CCDC13: variants seen among roughly 807,000 people sequenced by gnomAD.
CCDC13 encodes the protein coiled-coil domain-containing protein 13.
A neutral mutation model predicts 87.3 loss-of-function variants in CCDC13; 70 were observed. The observed-to-expected ratio is 0.80, with a 90% CI of 0.66 to 0.98. The LOEUF (loss-of-function observed/expected upper bound fraction) is 0.98. Ranked by LOEUF, CCDC13 falls within the 50% of genes least tolerant of loss-of-function variation. The probability of loss-of-function intolerance (pLI) is 0.00; values close to 1 mark genes in which losing one functional copy is unlikely to be tolerated. For synonymous variants in CCDC13, 317 were observed against 360.3 expected, an observed-to-expected ratio of 0.88 and a Z score of 1.36; for missense variants, 842 against 892.0, an observed-to-expected ratio of 0.94 and a Z score of 0.71.
chr3:42,745,232 A>G (rs541298121), intron 7 of CCDC13: 3 of 152,382 alleles, frequency 2.0e-5, no homozygotes, highest in Admixed American at 6.5e-5. Context: ...GGACAAAGGG[A>G]AAAGAACCAC....
intron 13 of CCDC13, among the ~76,000 whole-genome samples, chr3:42,713,527 C>T (rs770720575): frequency 1.3e-5 from 2 of 152,220 alleles, no homozygotes; most frequent in Non-Finnish European, 2.9e-5. Context: ...CCACTCCCAG[C>T]CCCATCATTC....
intron 1 of CCDC13, among the ~76,000 whole-genome samples, chr3:42,763,820 C>T (rs978687632): frequency 7.2e-5 from 11 of 152,130 alleles, no homozygotes; most frequent in African/African-American, 2.4e-4. Flanking sequence ...GAGATTTATT[C>T]TGAGCCAAAT....
At position 42,735,714 on chromosome 3, in the gene CCDC13, T is replaced by C. The variant is rs967884855; in HGVS notation, c.1364A>G (p.Asn455Ser). 6 of 1,613,962 alleles carry C rather than the reference T, an allele frequency of 3.7e-6. No homozygotes were observed. Among genetic ancestry groups the C allele is most frequent in the African/African-American group, 2.7e-5 (2 of 74,934 alleles). The stretch of plus-strand genomic sequence containing the variant: ...TGCCAGTGCCCTACTCACGTGCACA[T>C]TGAGTTGTCCGATCTCCATCTCCAG... ...RQLEMEIGQL[N>S]VHYLRNKGVG... Residue 455 changes from asparagine (N) to serine (S), a missense_variant, in exon 10 of 16, where the codon AAT becomes AGT. Asn to Ser is a conservative substitution (Grantham distance 46). Coordinates refer to ENST00000310232, the MANE Select transcript of CCDC13 (RefSeq NM_144719.4).
At position 42,706,489 on chromosome 3, in the gene CCDC13, T is replaced by C. The variant is rs925401342; in HGVS notation, c.*2491A>G. 14 of 152,068 alleles carry C rather than the reference T, an allele frequency of 9.2e-5. No homozygotes were observed. The highest frequency in any genetic ancestry group is 3.4e-4 in the African/African-American group (14 of 41,428). The allele number at this position is 152,068 out of a possible 1,614,324, so 9.4% of individuals were successfully genotyped here. ...TCTAACCAAGCTAGGGGTGGGGAGGTGCCCGGTGGTAGGTGCCAGCAGACA... is the reference window on the plus strand; with the variant it reads ...TCTAACCAAGCTAGGGGTGGGGAGGCGCCCGGTGGTAGGTGCCAGCAGACA... On this transcript the variant is annotated 3_prime_UTR_variant, in exon 16 of 16. Coordinates refer to ENST00000310232, the MANE Select transcript of CCDC13 (RefSeq NM_144719.4).
rs1698252831 is a variant in CCDC13, at chr3:42,709,562, C to T, written c.1988+122G>A. 3.7e-6 allele frequency: 3 copies of T among 808,600 alleles called. No individual in the cohort carries two copies. The African/African-American group carries it at 5.1e-5, about 14-fold the overall frequency. 50.1% of individuals were successfully genotyped at this position (808,600 alleles called of 1,614,324 possible). A position where few individuals can be genotyped will look rare whatever the true frequency, so the allele number is the denominator to read the frequency against. On this transcript the variant is annotated intron_variant, in intron 15 of 15. Transcript: ENST00000310232. ...TGCAGGCCTAGAACCCAGGACCAAA[C>T]AGGACAAGCCTTCTGGGCAAATGAG...
rs368326533 is a variant in CCDC13 at position 42,732,867 on chromosome 3, C to A, written c.1595+20G>T. The stretch of plus-strand genomic sequence containing the variant: ...AGAATGGGAAAAAACTGTGAGAGTC[C>A]GGGGGTCGGGGGTCCATACCTAGGT... On this transcript the variant is annotated intron_variant, in intron 12 of 15. Coordinates refer to ENST00000310232, the MANE Select transcript of CCDC13 (RefSeq NM_144719.4). 2 of 1,544,594 alleles carry A rather than the reference C, an allele frequency of 1.3e-6. No homozygotes were observed. The highest frequency in any genetic ancestry group is 1.8e-6 in the Non-Finnish European group (2 of 1,142,630).
At chr3:42,754,673 G>A (rs571258193) in intron 3 of CCDC13, among the ~76,000 whole-genome samples, 5 of 152,248 alleles carry the variant, frequency 3.3e-5, no homozygotes, top group South Asian at 4.1e-4. Flanking sequence ...GAAGGAAACC[G>A]GACCTAGAAT....
intron 9 of CCDC13, among the ~76,000 whole-genome samples, chr3:42,737,160 G>A (rs983822672): frequency 5.3e-5 from 8 of 151,896 alleles, no homozygotes; most frequent in South Asian, 2.1e-4. Flanking sequence ...GAGAACATGC[G>A]GTGTTTGGTT....
chr3:42,752,846 T>A, intron 3 of CCDC13, 129 bp from the exon 4 acceptor site: 1 of 1,108,616 alleles, frequency 9.0e-7, no homozygotes, highest in Non-Finnish European at 1.3e-6. Flanking sequence ...AAAGGGGCAC[T>A]AACTTAGGAG....
chr3:42,748,326 C>T (rs897410569), intron 5 of CCDC13, among the ~76,000 whole-genome samples: 3 of 152,316 alleles, frequency 2.0e-5, no homozygotes, highest in Middle Eastern at 3.4e-3. Context: ...GAATACTTGT[C>T]CTTCCCCTGC....
chr3:42,705,119 GTGT>G (rs1312172923), downstream of CCDC13, among the ~76,000 whole-genome samples: 4 of 152,196 alleles, frequency 2.6e-5, no homozygotes, highest in Admixed American at 1.3e-4. Context: ...GTGTATATGT[GTGT>G]TGTGTGTGTG....
intron 1 of CCDC13, among the ~76,000 whole-genome samples, chr3:42,760,749 T>C (rs1002554528): frequency 6.6e-6 from 1 of 151,080 alleles, no homozygotes; most frequent in Non-Finnish European, 1.5e-5. Flanking sequence ...AGCAAGACTC[T>C]GTCTCAAAAT....
chr3:42,771,726 G>T (rs1331583934), intron 1 of CCDC13, among the ~76,000 whole-genome samples: 3 of 152,118 alleles, frequency 2.0e-5, no homozygotes, highest in Admixed American at 6.6e-5. Flanking sequence ...CCGCACTCCA[G>T]CCTGGGTGAC....
rs1328883656 is a variant in CCDC13 at position 42,768,817 on chromosome 3, C to T, written c.-7+4359G>A. On this transcript the variant is annotated intron_variant, in intron 1 of 15. Coordinates refer to ENST00000310232, the MANE Select transcript of CCDC13 (RefSeq NM_144719.4). ...CAACATATACAAAGAATTCTGATAA[C>T]TTAATAATAAGAAAATACCCCAGTT... Among the ~76,000 whole-genome samples the T allele has an allele frequency of 2.6e-5, 4 of 151,976 alleles. No homozygotes were observed. The East Asian group carries it at 7.7e-4, about 29-fold the overall frequency.
At chr3:42,759,645 T>G (rs184904943) in intron 1 of CCDC13, among the ~76,000 whole-genome samples, 23 of 152,354 alleles carry the variant, frequency 1.5e-4, no homozygotes, top group African/African-American at 5.0e-4. Flanking sequence ...TTTTTATTAC[T>G]GAGTAATATT....
Position 42,709,686 on chromosome 3 carries a change from G to A in CCDC13, c.1986C>T (p.Thr662=). The change falls in exon 15 of 16, where the codon ACC becomes ACT. Residue 662 remains threonine, a splice_region_variant and synonymous_variant. Coordinates refer to ENST00000310232, the MANE Select transcript of CCDC13 (RefSeq NM_144719.4). The stretch of plus-strand genomic sequence containing the variant: ...AGGAAGGCGGGGCAGGGGAGCACCT[G>A]GTTGTCAGCTCTTCCATTTGGGATT... ...PVESQMEELT[T]RLAIQVEENE... The A allele has an allele frequency of 6.2e-7, 1 of 1,613,366 alleles. No homozygotes were observed. Among genetic ancestry groups the A allele is most frequent in the Non-Finnish European group, 8.5e-7 (1 of 1,179,314 alleles).
chr3:42,732,374 G>A (rs1698861137), intron 12 of CCDC13, among the ~76,000 whole-genome samples: 2 of 152,292 alleles, frequency 1.3e-5, no homozygotes, highest in South Asian at 4.1e-4. Flanking sequence ...GACAGCAGGA[G>A]CATGGCTCCA....
chr3:42,771,629 C>T (rs1459188954), intron 1 of CCDC13, among the ~76,000 whole-genome samples: 2 of 152,130 alleles, frequency 1.3e-5, no homozygotes, highest in East Asian at 3.9e-4. Flanking sequence ...GTGGCATGTG[C>T]CTGTGTTCCC....
At chr3:42,771,748 C>T (rs1395360099) in intron 1 of CCDC13, among the ~76,000 whole-genome samples, 1 of 150,440 alleles carries the variant, frequency 6.6e-6, no homozygotes, top group East Asian at 2.0e-4. Flanking sequence ...AAGTGAGACC[C>T]TGTCTCAATA....
Sources: allele counts gnomAD v4.1 joint callset (sites outside exome capture counted in the v4.1 genomes callset), GRCh38; gene constraint gnomAD v4.1.1; transcripts MANE v1.5; gene names NCBI Gene and HGNC (gene_info 2026-07-23, HGNC 2026-07-21).